Variants in DCT observed in about 807,000 individuals in gnomAD.
DCT encodes the protein L-dopachrome tautomerase.
A neutral mutation model predicts 53.0 loss-of-function variants in DCT; 47 were observed. The observed-to-expected ratio is 0.89, with a 90% confidence interval of 0.70 to 1.13. The LOEUF is 1.13. Ranked by LOEUF, DCT falls within the 50% of genes most tolerant of loss-of-function variation. The pLI is 0.00. For missense variants in DCT, 669 were observed against 637.4 expected (o/e 1.05, Z -0.53); for synonymous variants, 244 against 237.0 (o/e 1.03, Z -0.27).
At chr13:94,463,972 G>A (rs1002473564) in intron 4 of DCT, among the ~76,000 whole-genome samples, 4 of 152,168 alleles carry the variant, frequency 2.6e-5, no homozygotes, top group Admixed American at 6.5e-5. Flanking sequence ...AAAGCTTGAC[G>A]ACATTCTAAA....
At chr13:94,485,353 A>C in the DCT span, among the ~76,000 whole-genome samples, 1 of 152,146 alleles carries the variant, frequency 6.6e-6, no homozygotes, top group Non-Finnish European at 1.5e-5. Flanking sequence ...GTGTTTCCAA[A>C]GGATGTCATG....
chr13:94,535,267 T>C, the DCT span, among the ~76,000 whole-genome samples: 2 of 152,360 alleles, frequency 1.3e-5, no homozygotes, highest in African/African-American at 4.8e-5. Flanking sequence ...TCACGGTATA[T>C]GGCATGTTTG....
At chr13:94,459,896 T>C (rs776333859) in intron 6 of DCT, among the ~76,000 whole-genome samples, 195 bp downstream of exon 6, 17 of 152,230 alleles carry the variant, frequency 1.1e-4, no homozygotes, top group Non-Finnish European at 2.2e-4. Flanking sequence ...GAACCATCCC[T>C]GAAGCATGGG....
At chr13:94,542,247 G>A in the DCT span, among the ~76,000 whole-genome samples, 1 of 152,146 alleles carries the variant, frequency 6.6e-6, no homozygotes, top group African/African-American at 2.4e-5. Context: ...GGAGTGCAGT[G>A]GTGCAATATT....
At chr13:94,483,288 A>C (rs1318491129), upstream of DCT, among the ~76,000 whole-genome samples, 1 of 151,826 alleles carries the variant, frequency 6.6e-6, no homozygotes, top group African/African-American at 2.4e-5. Context: ...TAAATAAACA[A>C]AAAAAAGTTT....
intron 4 of DCT, among the ~76,000 whole-genome samples, chr13:94,463,840 GA>G (rs34961915): frequency 6.6e-6 from 1 of 152,196 alleles, no homozygotes; most frequent in Non-Finnish European, 1.5e-5. Flanking sequence ...ACACTAAGCT[GA>G]AAAAGGTCTC....
the DCT span, among the ~76,000 whole-genome samples, chr13:94,539,643 A>G: frequency 6.6e-6 from 1 of 152,358 alleles, no homozygotes; most frequent in East Asian, 1.9e-4. Flanking sequence ...AGATCAGACT[A>G]TTCAAATAGA....
In DCT at chr13:94,439,815, GA is replaced by G. The variant is rs1882148412; in HGVS notation, c.*82del. 1 of 1,024,342 alleles carries G rather than the reference GA, an allele frequency of 9.8e-7. No individual in the cohort carries two copies. Among genetic ancestry groups the G allele is most frequent in the Non-Finnish European group, 1.4e-6 (1 of 694,048 alleles). The allele number at this position is 1,024,342 out of a possible 1,614,324, so 63.5% of individuals were successfully genotyped here. On this transcript the variant is annotated 3_prime_UTR_variant, in exon 8 of 8. Transcript: ENST00000377028. ...TGTCAAAGATCTTCAACTCAAGAAG[GA>G]ACAGTGAGGATTAGTTCCTTTATTG... is the stretch of plus-strand genomic sequence containing the variant.
chr13:94,537,789 G>A, the DCT span, among the ~76,000 whole-genome samples: 1 of 152,150 alleles, frequency 6.6e-6, no homozygotes, highest in Admixed American at 6.6e-5. Flanking sequence ...CACTTGGCTA[G>A]GTGACATAAG....
chr13:94,499,928 AG>A, the DCT span, among the ~76,000 whole-genome samples: 1 of 152,244 alleles, frequency 6.6e-6, no homozygotes, highest in African/African-American at 2.4e-5. Flanking sequence ...GGCATACAAT[AG>A]GAAGTTTTAA....
chr13:94,496,120 G>A, the DCT span, among the ~76,000 whole-genome samples: 1 of 152,158 alleles, frequency 6.6e-6, no homozygotes, highest in Non-Finnish European at 1.5e-5. Flanking sequence ...ACCTTATAAA[G>A]TGTGATCCAG....
At chr13:94,461,920 C>T (rs1226162543) in intron 5 of DCT, 90 bp downstream of exon 5, 3 of 1,197,224 alleles carry the variant, frequency 2.5e-6, no homozygotes, top group African/African-American at 3.1e-5. Context: ...AGACAACCCC[C>T]AAAACCTGGG....
chr13:94,472,513 CATACATACATATATAT>C (rs1310755954), intron 1 of DCT, among the ~76,000 whole-genome samples: 397 of 37,456 alleles, frequency 0.011, 7 homozygotes, highest in Non-Finnish European at 0.016. Flanking sequence ...TAAATATATA[CATACATACATATATAT>C]ATATATATAT....
intron 7 of DCT, among the ~76,000 whole-genome samples, chr13:94,443,084 T>C (rs1882458522): frequency 6.6e-6 from 1 of 152,182 alleles, no homozygotes; most frequent in Admixed American, 6.5e-5. Context: ...TCATTTTTAT[T>C]TCATTGGTTA....
Position 94,436,960 on chromosome 13 carries a change from AC to A in DCT, c.*2937del, listed in dbSNP as rs1312226087. 2 of 152,206 alleles carry A rather than the reference AC, an allele frequency of 1.3e-5. No individual in the cohort carries two copies. Among genetic ancestry groups the A allele is most frequent in the Admixed American group, 6.5e-5 (1 of 15,276 alleles). The allele number at this position is 152,206 out of a possible 1,614,324, so 9.4% of individuals were successfully genotyped here. A position where few individuals can be genotyped will look rare whatever the true frequency, so the allele number is the denominator to read the frequency against. On this transcript the variant is annotated 3_prime_UTR_variant, in exon 8 of 8. Coordinates refer to ENST00000377028, the MANE Select transcript of DCT (RefSeq NM_001922.5). The stretch of plus-strand genomic sequence containing the variant: ...ATCTTGAAGGCTTATCTGGGAGATC[AC>A]CAAGTTAGCTACTGCAGGACCTCTC...
chr13:94,446,340 T>C (rs1368187654), intron 6 of DCT, among the ~76,000 whole-genome samples: 1 of 152,196 alleles, frequency 6.6e-6, no homozygotes, highest in Non-Finnish European at 1.5e-5. Flanking sequence ...CAAGGACTTA[T>C]GGAAGAAGAA....
At chr13:94,471,851 T>C (rs1441741409) in intron 1 of DCT, among the ~76,000 whole-genome samples, 3 of 152,186 alleles carry the variant, frequency 2.0e-5, no homozygotes, top group Non-Finnish European at 4.4e-5. Context: ...ATTTGGATGA[T>C]AATAATGTCG....
intron 6 of DCT, chr13:94,444,530 T>C (rs1594273508): frequency 2.9e-6 from 1 of 342,844 alleles, no homozygotes; most frequent in African/African-American, 2.2e-5. Context: ...TGTTTTGAAA[T>C]ATTAACAGCA....
At chr13:94,474,282 C>T (rs1417728555) in intron 1 of DCT, among the ~76,000 whole-genome samples, 1 of 152,124 alleles carries the variant, frequency 6.6e-6, no homozygotes, top group Non-Finnish European at 1.5e-5. Context: ...ATCATCTAAA[C>T]ACCACACATT....
Sources: allele counts gnomAD v4.1 joint callset (sites outside exome capture counted in the v4.1 genomes callset), GRCh38; gene constraint gnomAD v4.1.1; transcripts MANE v1.5; gene names NCBI Gene and HGNC (gene_info 2026-07-23, HGNC 2026-07-21).